IL23R: variants seen among roughly 807,000 people sequenced by gnomAD.
IL23R encodes interleukin-23 receptor.
IL23R carries 34 observed loss-of-function variants against 56.9 expected under a neutral mutation model. The ratio of observed to expected loss-of-function variants is 0.60; its 90% confidence interval spans 0.45 to 0.80. The LOEUF is 0.80. Ranked by LOEUF, IL23R falls within the 30% of genes least tolerant of loss-of-function variation. The probability of loss-of-function intolerance (pLI) is 0.00; values close to 1 mark genes in which losing one functional copy is unlikely to be tolerated. For missense variants in IL23R, 635 were observed against 730.0 expected (o/e 0.87, Z 1.50); for synonymous variants, 230 against 249.2 (o/e 0.92, Z 0.73).
intron 3 of IL23R, among the ~76,000 whole-genome samples, chr1:67,177,935 T>C (rs1289767099): frequency 6.6e-6 from 1 of 150,982 alleles, no homozygotes; most frequent in Non-Finnish European, 1.5e-5. Flanking sequence ...TGTAGATGTG[T>C]GGTGTTATTT....
chr1:67,238,855 C>T (rs965386854), intron 8 of IL23R, among the ~76,000 whole-genome samples: 2 of 152,086 alleles, frequency 1.3e-5, no homozygotes, highest in African/African-American at 4.8e-5. Context: ...ATTTCATATC[C>T]CATCAAGATT....
At chr1:67,252,858 A>C (rs1331933997) in intron 9 of IL23R, among the ~76,000 whole-genome samples, 1 of 152,018 alleles carries the variant, frequency 6.6e-6, no homozygotes, top group Non-Finnish European at 1.5e-5. Flanking sequence ...TGATGTACAG[A>C]AACAGCTGGT....
chr1:67,259,990 A>AAG (rs397935996), downstream of IL23R: 1 of 150,672 alleles, frequency 6.6e-6, no homozygotes. Flanking sequence ...AAAAAAAAAA[A>AAG]GAATAACTAA....
In IL23R at chr1:67,167,315, C is replaced by T. The variant is rs565764536; in HGVS notation, c.-30+774C>T. Among the ~76,000 whole-genome samples, 6 of 152,378 alleles carry T rather than the reference C, an allele frequency of 3.9e-5. No individual in the cohort carries two copies. In the East Asian group the frequency reaches 9.6e-4, roughly 24 times the overall value. The stretch of plus-strand genomic sequence containing the variant: ...CGAACTCCTGGGCTCAAGCAATCCA[C>T]CGGCCTCTGCCTCCCAAAGTGCTGG... On this transcript the variant is annotated intron_variant, in intron 1 of 10. Coordinates refer to ENST00000347310, the MANE Select transcript of IL23R (RefSeq NM_144701.3).
the IL23R span, among the ~76,000 whole-genome samples, chr1:67,265,829 C>T: frequency 6.6e-6 from 1 of 151,822 alleles, no homozygotes; most frequent in Non-Finnish European, 1.5e-5. Flanking sequence ...CTGCTTGAGC[C>T]CAGGAGTCCA....
chr1:67,152,876 T>C (rs1209109981), intron 1 of IL23R, among the ~76,000 whole-genome samples: 1 of 152,174 alleles, frequency 6.6e-6, no homozygotes, highest in East Asian at 1.9e-4. Flanking sequence ...ATTTTCGCAT[T>C]GATGTTCATT....
In IL23R at chr1:67,255,516, A is replaced by G. The variant is rs375985413; in HGVS notation, c.1149-321A>G. ...TGCAGTGGCATGGTCACAGCTCACT[A>G]CAGCCTTGACCTCCCAGGCTCAAGC... On this transcript the variant is annotated intron_variant, in intron 9 of 10. Transcript: ENST00000347310. 5.3e-5 allele frequency among the ~76,000 whole-genome samples: 8 copies of G among 152,064 alleles called. No individual in the cohort carries two copies. The East Asian group carries it at 1.4e-3, about 26-fold the overall frequency.
chr1:67,219,918 T>A (rs572374116), intron 7 of IL23R, among the ~76,000 whole-genome samples, 188 bp downstream of exon 7: 19 of 152,058 alleles, frequency 1.2e-4, no homozygotes, highest in African/African-American at 4.1e-4. Context: ...AAATAATAAT[T>A]ATTATTAGCC....
At chr1:67,265,461 A>G in the IL23R span, among the ~76,000 whole-genome samples, 3 of 152,216 alleles carry the variant, frequency 2.0e-5, no homozygotes, top group African/African-American at 7.2e-5. Context: ...TTTTTAACCT[A>G]ACAATATGTC....
At chr1:67,245,203 A>G (rs1652135482) in intron 9 of IL23R, among the ~76,000 whole-genome samples, 2 of 152,052 alleles carry the variant, frequency 1.3e-5, no homozygotes, top group Non-Finnish European at 2.9e-5. Flanking sequence ...CAGTGTGAGG[A>G]GTTTTTGGGC....
At chr1:67,186,472 A>G (rs1647341510) in intron 4 of IL23R, among the ~76,000 whole-genome samples, 1 of 152,086 alleles carries the variant, frequency 6.6e-6, no homozygotes, top group South Asian at 2.1e-4. Flanking sequence ...AATCACATCC[A>G]TGAGCAGTCA....
chr1:67,188,406 T>G (rs17129700), intron 4 of IL23R, among the ~76,000 whole-genome samples: 4,346 of 152,302 alleles, frequency 0.029, 66 homozygotes, highest in Middle Eastern at 0.041. Flanking sequence ...TAAATGGAGT[T>G]GGATACCGTC....
intron 7 of IL23R, among the ~76,000 whole-genome samples, chr1:67,233,077 G>A (rs964509833): frequency 4.0e-5 from 6 of 151,252 alleles, no homozygotes; most frequent in Admixed American, 1.3e-4. Flanking sequence ...GTCCAGGTGC[G>A]GTGCCTCACA....
At chr1:67,187,589 TTA>T (rs1463061238) in intron 4 of IL23R, among the ~76,000 whole-genome samples, 3 of 152,224 alleles carry the variant, frequency 2.0e-5, no homozygotes, top group African/African-American at 7.2e-5. Flanking sequence ...TTTGTAGTAG[TTA>T]TGAGTACTAA....
In IL23R at chr1:67,259,062, T is replaced by C; in HGVS notation, c.1824T>C (p.Ile608=). 6.2e-7 allele frequency: 1 copy of C among 1,613,958 alleles called. No individual in the cohort carries two copies. The change falls in exon 11 of 11, where the codon ATT becomes ATC. Residue 608 remains isoleucine, a synonymous_variant. Coordinates refer to ENST00000347310, the MANE Select transcript of IL23R (RefSeq NM_144701.3). ...LGIVNEELPS[I]NTYFPQNILE... ...TCGTGAATGAGGAGTTGCCATCTAT[T>C]AATACTTATTTTCCACAAAATATTT...
chr1:67,192,397 G>A (rs1009987422), intron 4 of IL23R, among the ~76,000 whole-genome samples: 4 of 151,994 alleles, frequency 2.6e-5, no homozygotes, highest in African/African-American at 4.8e-5. Context: ...ATTTTGTCTG[G>A]GTCTGACAAA....
intron 4 of IL23R, among the ~76,000 whole-genome samples, chr1:67,188,498 A>C (rs1174331587): frequency 2.0e-5 from 3 of 152,196 alleles, no homozygotes; most frequent in Admixed American, 2.0e-4. Flanking sequence ...CCTCCTGTGA[A>C]ATGAGGATAA....
intron 7 of IL23R, among the ~76,000 whole-genome samples, chr1:67,222,844 A>T (rs1270870342): frequency 6.6e-6 from 1 of 152,156 alleles, no homozygotes; most frequent in East Asian, 1.9e-4. Flanking sequence ...CCAGTGTGAA[A>T]ATACTGTGCA....
At chr1:67,142,258 T>TA (rs1050541176) in intron 1 of IL23R, among the ~76,000 whole-genome samples, 1 of 152,208 alleles carries the variant, frequency 6.6e-6, no homozygotes, top group African/African-American at 2.4e-5. Context: ...AAGTAAAAGA[T>TA]AAAAAATTAA....
Sources: gnomAD v4.1 joint callset for allele counts (sites outside exome capture counted in the v4.1 genomes callset) on GRCh38, gnomAD v4.1.1 for gene constraint, MANE v1.5 for transcripts, NCBI Gene and HGNC (gene_info 2026-07-23, HGNC 2026-07-21) for gene names.